Variants in ME2 observed in about 807,000 individuals in gnomAD.
The protein encoded by ME2 is malic enzyme 2, also known as NAD-dependent malic enzyme, mitochondrial.
A neutral mutation model predicts 73.7 loss-of-function variants in ME2; 60 were observed. That is an observed-to-expected ratio of 0.81 (90% confidence interval 0.66 to 1.01). The LOEUF (loss-of-function observed/expected upper bound fraction) is 1.01, where lower values mean the gene tolerates loss of function less well. Among genes scored for constraint, ME2 ranks in the 50% least tolerant of loss-of-function variants. The pLI is 0.00. For synonymous variants in ME2, 199 were observed against 236.9 expected, an observed-to-expected ratio of 0.84 and a Z score of 1.47; for missense variants, 594 against 705.5, an observed-to-expected ratio of 0.84 and a Z score of 1.79.
rs202211726 is a variant in ME2 at position 50,917,509 on chromosome 18, G to A, written c.630+1G>A. ...TATTGATGTGGGAACTGATAATATC[G>A]TGAGTAACATCATTTTCCCCCTTTA... On this transcript the variant is annotated splice_donor_variant, in intron 6 of 15. Transcript: ENST00000321341. LOFTEE classifies it high-confidence loss of function. The A allele has an allele frequency of 4.5e-6, 7 of 1,565,240 alleles. No individual in the cohort carries two copies. The highest frequency in any genetic ancestry group is 4.5e-5 in the East Asian group (2 of 44,382).
chr18:50,931,842 T>C (rs1050504825), intron 12 of ME2, among the ~76,000 whole-genome samples: 1 of 149,464 alleles, frequency 6.7e-6, no homozygotes, highest in Middle Eastern at 3.2e-3. Context: ...ACCCAGCTAA[T>C]TTTTTGTATT....
chr18:50,946,066 CAAAT>C (rs1352963276), intron 15 of ME2, among the ~76,000 whole-genome samples: 1 of 151,694 alleles, frequency 6.6e-6, no homozygotes, highest in Admixed American at 6.6e-5. Flanking sequence ...GGCTTCATCT[CAAAT>C]AAATAAATAA....
chr18:50,883,267 G>C (rs1480200547), intron 1 of ME2, among the ~76,000 whole-genome samples: 1 of 152,178 alleles, frequency 6.6e-6, no homozygotes, highest in Non-Finnish European at 1.5e-5. Flanking sequence ...AGCAAAGCCT[G>C]TGCTTGTTGC....
chr18:50,890,101 C>T (rs1916569488), intron 1 of ME2, among the ~76,000 whole-genome samples: 1 of 151,866 alleles, frequency 6.6e-6, no homozygotes, highest in African/African-American at 2.4e-5. Context: ...AGAAAAGCAA[C>T]CCCATTTTCC....
intron 10 of ME2, among the ~76,000 whole-genome samples, chr18:50,921,609 C>T (rs994720441): frequency 1.2e-4 from 19 of 152,232 alleles, no homozygotes; most frequent in African/African-American, 4.3e-4. Flanking sequence ...TGAAGTCTCT[C>T]TCTGTCACCC....
chr18:50,895,771 G>A (rs1194872413), intron 1 of ME2, 38 bp from the exon 2 acceptor site: 1 of 1,332,660 alleles, frequency 7.5e-7, no homozygotes, highest in East Asian at 2.3e-5. Flanking sequence ...CCTATAATAT[G>A]ATTCTCTTCA....
intron 1 of ME2, among the ~76,000 whole-genome samples, chr18:50,882,481 C>T (rs1405930173): frequency 6.6e-6 from 1 of 152,168 alleles, no homozygotes; most frequent in Non-Finnish European, 1.5e-5. Context: ...CAGAATTCTG[C>T]AAGTTTCCCC....
chr18:50,918,515 C>T (rs180760536), intron 7 of ME2, among the ~76,000 whole-genome samples: 2 of 152,150 alleles, frequency 1.3e-5, no homozygotes, highest in Admixed American at 1.3e-4. Context: ...TTCAGGCTCA[C>T]GCCCACCATT....
intron 1 of ME2, among the ~76,000 whole-genome samples, chr18:50,894,653 A>G (rs6508042): frequency 0.68 from 102,208 of 150,864 alleles, 34,966 homozygotes; most frequent in South Asian, 0.78. Flanking sequence ...GGCAGATCAC[A>G]AGGTCAGGAG....
intron 12 of ME2, 115 bp from the exon 13 acceptor site, chr18:50,932,143 C>T (rs1214317815): frequency 1.3e-6 from 1 of 757,718 alleles, no homozygotes; most frequent in Non-Finnish European, 2.2e-6. Flanking sequence ...TTATGCCTTG[C>T]TTCCAAGTAA....
At position 50,950,466 on chromosome 18, in the gene ME2, G is replaced by A. The variant is rs1371026099; in HGVS notation, c.*3282G>A. 1 of 74,342 alleles carries A rather than the reference G, an allele frequency of 1.3e-5. No homozygotes were observed. The highest frequency in any genetic ancestry group is 6.6e-4 in the South Asian group (1 of 1,514). 4.6% of individuals were successfully genotyped at this position (74,342 alleles called of 1,614,324 possible). A position where few individuals can be genotyped will look rare whatever the true frequency, so the allele number is the denominator to read the frequency against. On this transcript the variant is annotated 3_prime_UTR_variant, in exon 16 of 16. Coordinates refer to ENST00000321341, the MANE Select transcript of ME2 (RefSeq NM_002396.5). ...GGCCTGGGGTGGGGCCTCAGATTCT[G>A]CTTTTTTTTTTTTTTTTTTTTTTTT... is the stretch of plus-strand genomic sequence containing the variant.
chr18:50,884,861 TGTG>T lies in ME2; in HGVS notation c.-13+5554_-13+5556del, dbSNP rs1156361807. Among the ~76,000 whole-genome samples the T allele has an allele frequency of 4.3e-4, 66 of 152,082 alleles. 1 individual carries two copies. Among genetic ancestry groups the T allele is most frequent in the African/African-American group, 1.5e-3 (64 of 41,416 alleles). On this transcript the variant is annotated intron_variant, in intron 1 of 15. Coordinates refer to ENST00000321341, the MANE Select transcript of ME2 (RefSeq NM_002396.5). ...GTGTGTTTGTGTGTGTGTGTGTGTG[TGTG>T]TGTGTCTGAAACGGAGTTTCGCTCT...
At chr18:50,933,772 G>C (rs1254478832) in intron 13 of ME2, 1 of 151,822 alleles carries the variant, frequency 6.6e-6, no homozygotes, top group Admixed American at 6.6e-5. Context: ...CGGCTAATAA[G>C]CATGCTACCC....
At chr18:50,907,386 G>A (rs186825461) in intron 2 of ME2, among the ~76,000 whole-genome samples, 3 of 152,210 alleles carry the variant, frequency 2.0e-5, no homozygotes, top group East Asian at 3.9e-4. Context: ...CATTTCTTTG[G>A]TAAATTTCCA....
intron 1 of ME2, among the ~76,000 whole-genome samples, chr18:50,883,336 C>T (rs1916369357): frequency 6.6e-6 from 1 of 152,208 alleles, no homozygotes; most frequent in Admixed American, 6.5e-5. Context: ...TGTGAACAGT[C>T]TTTCTCAGGT....
At chr18:50,919,596 T>C (rs1041805461) in intron 7 of ME2, among the ~76,000 whole-genome samples, 1 of 152,166 alleles carries the variant, frequency 6.6e-6, no homozygotes, top group Non-Finnish European at 1.5e-5. Context: ...TAGTTACTCC[T>C]TTTGCTTCCT....
At chr18:50,882,548 T>C (rs993225372) in intron 1 of ME2, among the ~76,000 whole-genome samples, 4 of 152,166 alleles carry the variant, frequency 2.6e-5, no homozygotes, top group Admixed American at 6.5e-5. Context: ...TTCCAGACTT[T>C]TGGACTTTGC....
At chr18:50,890,299 A>C (rs1177048510) in intron 1 of ME2, among the ~76,000 whole-genome samples, 1 of 152,146 alleles carries the variant, frequency 6.6e-6, no homozygotes, top group Non-Finnish European at 1.5e-5. Context: ...CTTTTTGTAG[A>C]GACAAGGTCT....
rs142825432 is a variant in ME2, at chr18:50,947,249, A to G, written c.*65A>G. ...CCCCTTTTTTCAGACAAGAAGAGAT[A>G]ATGTCTTCAGTTTTATGGTGTTTTC... On this transcript the variant is annotated 3_prime_UTR_variant, in exon 16 of 16. Transcript: ENST00000321341. 142 of 1,490,110 alleles carry G rather than the reference A, an allele frequency of 9.5e-5. No individual in the cohort carries two copies. Among genetic ancestry groups the G allele is most frequent in the Middle Eastern group, 2.5e-4 (1 of 4,070 alleles). 92.3% of individuals were successfully genotyped at this position (1,490,110 alleles called of 1,614,324 possible).
Sources: allele counts gnomAD v4.1 joint callset (sites outside exome capture counted in the v4.1 genomes callset), GRCh38; gene constraint gnomAD v4.1.1; transcripts MANE v1.5; gene names NCBI Gene and HGNC (gene_info 2026-07-23, HGNC 2026-07-21).